NOSIP: variants seen among roughly 807,000 people sequenced by gnomAD.
NOSIP encodes the protein nitric oxide synthase interacting protein.
In NOSIP, 25 loss-of-function variants were observed where a neutral mutation model predicts 36.4. The ratio of observed to expected loss-of-function variants is 0.69; its 90% CI spans 0.50 to 0.96. NOSIP has a LOEUF of 0.96. Among genes scored for constraint, NOSIP ranks in the 40% least tolerant of loss-of-function variants. The probability of loss-of-function intolerance (pLI) is 0.00; values close to 1 mark genes in which losing one functional copy is unlikely to be tolerated. For missense variants in NOSIP, 370 were observed against 429.0 expected (o/e 0.86, Z 1.21); for synonymous variants, 187 against 179.2 (o/e 1.04, Z -0.35).
Position 49,559,004 on chromosome 19 carries a change from A to G in NOSIP, c.177-26T>C, listed in dbSNP as rs745590059. The G allele has an allele frequency of 2.5e-6, 4 of 1,598,040 alleles. No individual in the cohort carries two copies. The Admixed American group carries it at 6.7e-5, about 27-fold the overall frequency. ...CTGCAAAGACAGGGTGCAATGAGAA[A>G]GAAAGAAAGTGATCCTCCCGCCTCG... On this transcript the variant is annotated intron_variant, in intron 3 of 8. Coordinates refer to ENST00000596358, the MANE Select transcript of NOSIP (RefSeq NM_001270960.2).
At chr19:49,557,288 G>A (rs919224519) in intron 4 of NOSIP, 39 bp from the exon 5 acceptor site, 2 of 1,533,708 alleles carry the variant, frequency 1.3e-6, no homozygotes, top group Non-Finnish European at 1.8e-6. Flanking sequence ...TGCCCGTGGG[G>A]CTGGGGGTAT....
intron 3 of NOSIP, 61 bp downstream of exon 3, chr19:49,559,870 GCCT>G: frequency 8.1e-7 from 1 of 1,232,848 alleles, no homozygotes; most frequent in South Asian, 1.3e-5. Flanking sequence ...CACGCACACA[GCCT>G]CCTCCTGGCG....
intron 1 of NOSIP, among the ~76,000 whole-genome samples, chr19:49,571,078 G>A (rs1465680287): frequency 6.6e-6 from 1 of 151,588 alleles, no homozygotes; most frequent in African/African-American, 2.4e-5. Context: ...CTGGGTTCAA[G>A]CAATTCTCCT....
Position 49,557,074 on chromosome 19 carries a change from G to C in NOSIP, c.418+16C>G. ...CGCCCCGCCCCCCAACCCACAAGAAGCCCAACCTGAGTCACCTGGGCTGGT... is the reference window on the plus strand; with the variant it reads ...CGCCCCGCCCCCCAACCCACAAGAACCCCAACCTGAGTCACCTGGGCTGGT... On this transcript the variant is annotated intron_variant, in intron 5 of 8. Transcript: ENST00000596358. 1 of 1,606,810 alleles carries C rather than the reference G, an allele frequency of 6.2e-7. No individual in the cohort carries two copies. The highest frequency in any genetic ancestry group is 1.1e-5 in the South Asian group (1 of 90,058).
intron 1 of NOSIP, among the ~76,000 whole-genome samples, chr19:49,576,823 G>A (rs1003838431): frequency 1.4e-5 from 2 of 146,316 alleles, no homozygotes; most frequent in Non-Finnish European, 1.5e-5. Flanking sequence ...GGCGAAGGTC[G>A]TGATGAGCCA....
At chr19:49,578,523 G>T (rs553515304) in intron 1 of NOSIP, among the ~76,000 whole-genome samples, 1 of 152,104 alleles carries the variant, frequency 6.6e-6, no homozygotes, top group Admixed American at 6.6e-5. Flanking sequence ...AAATGAGGCC[G>T]GGCTCAATGG....
chr19:49,571,129 C>A (rs537021503), intron 1 of NOSIP, among the ~76,000 whole-genome samples: 3 of 150,526 alleles, frequency 2.0e-5, no homozygotes, highest in Non-Finnish European at 4.4e-5. Flanking sequence ...GGCGCCCACG[C>A]CCAGCTAATT....
At chr19:49,561,920 TA>T (rs2080340926) in intron 1 of NOSIP, among the ~76,000 whole-genome samples, 1 of 151,780 alleles carries the variant, frequency 6.6e-6, no homozygotes, top group Admixed American at 6.6e-5. Context: ...TAAGCCAAGA[TA>T]ATGCACATTT....
At position 49,557,107 on chromosome 19, in the gene NOSIP, A is replaced by C; in HGVS notation, c.401T>G (p.Leu134Arg). 6.2e-7 allele frequency: 1 copy of C among 1,612,240 alleles called. No homozygotes were observed. Among genetic ancestry groups the C allele is most frequent in the Non-Finnish European group, 8.5e-7 (1 of 1,179,196 alleles). The change falls in exon 5 of 9, where the codon CTC (leucine) becomes CGC (arginine). Residue 134 changes from leucine to arginine, a missense_variant. Coordinates refer to ENST00000596358, the MANE Select transcript of NOSIP (RefSeq NM_001270960.2). The stretch of plus-strand genomic sequence containing the variant: ...TGAGTCACCTGGGCTGGTGCCCGAG[A>C]GGGCCTTGGCTGTGAAAGGGTTGAG... ...RPLNPFTAKA[L>R]SGTSPDDVQP...
chr19:49,566,176 C>T (rs1335926395), intron 1 of NOSIP, among the ~76,000 whole-genome samples: 2 of 152,056 alleles, frequency 1.3e-5, no homozygotes, highest in African/African-American at 4.8e-5. Flanking sequence ...CTCGCCACCA[C>T]GCCTGGCTAA....
At chr19:49,556,800 C>T (rs1480607984) in intron 6 of NOSIP, 64 bp from the exon 7 acceptor site, 1 of 1,595,534 alleles carries the variant, frequency 6.3e-7, no homozygotes, top group East Asian at 2.3e-5. Context: ...AGCGCGTGGT[C>T]CCTGTGCGTG....
chr19:49,557,817 G>A (rs2080275237), intron 4 of NOSIP: 2 of 988,028 alleles, frequency 2.0e-6, no homozygotes, highest in Non-Finnish European at 2.4e-6. Flanking sequence ...CCTGGGCGGT[G>A]CTGCAGTTCC....
chr19:49,565,382 T>C (rs1397909370), intron 1 of NOSIP, among the ~76,000 whole-genome samples: 1 of 152,010 alleles, frequency 6.6e-6, no homozygotes, highest in African/African-American at 2.4e-5. Context: ...TGGGTGCTGG[T>C]TACATGGGTG....
intron 1 of NOSIP, among the ~76,000 whole-genome samples, chr19:49,567,702 C>T (rs2080429487): frequency 6.6e-6 from 1 of 152,066 alleles, no homozygotes; most frequent in Admixed American, 6.6e-5. Flanking sequence ...CAGAATCTTG[C>T]TCTGTCGCCC....
At chr19:49,567,585 G>T (rs1183595307) in intron 1 of NOSIP, among the ~76,000 whole-genome samples, 1 of 152,190 alleles carries the variant, frequency 6.6e-6, no homozygotes, top group Admixed American at 6.5e-5. Context: ...CCTGCACCAT[G>T]CTGTGGAAAA....
Position 49,556,869 on chromosome 19 carries a change from G to A in NOSIP, c.537+6C>T. 6.2e-7 allele frequency: 1 copy of A among 1,611,034 alleles called. No homozygotes were observed. The highest frequency in any genetic ancestry group is 8.5e-7 in the Non-Finnish European group (1 of 1,177,590). On this transcript the variant is annotated splice_donor_region_variant and intron_variant, in intron 6 of 8. Coordinates refer to ENST00000596358, the MANE Select transcript of NOSIP (RefSeq NM_001270960.2). Reference sequence around the variant, plus strand: ...CCGTGCGTGCCGGGGCGCTGTGGGGGCTCACCGGCTTCTCCAGCTTGGTGG... The same window carrying A: ...CCGTGCGTGCCGGGGCGCTGTGGGGACTCACCGGCTTCTCCAGCTTGGTGG...
At position 49,557,091 on chromosome 19, in the gene NOSIP, T is replaced by C. The variant is rs1260887281; in HGVS notation, c.417A>G (p.Pro139=). ...FTAKALSGTS[P]DDVQPGPSVG... is the part of the protein sequence containing the mutation. The stretch of plus-strand genomic sequence containing the variant: ...CACAAGAAGCCCAACCTGAGTCACC[T>C]GGGCTGGTGCCCGAGAGGGCCTTGG... Residue 139 remains proline (P), a splice_region_variant and synonymous_variant, in exon 5 of 9, where the codon CCA becomes CCG. Coordinates refer to ENST00000596358, the MANE Select transcript of NOSIP (RefSeq NM_001270960.2). 1 of 1,610,832 alleles carries C rather than the reference T, an allele frequency of 6.2e-7. No homozygotes were observed. The highest frequency in any genetic ancestry group is 2.2e-5 in the East Asian group (1 of 44,774).
Position 49,555,839 on chromosome 19 carries a change from G to C in NOSIP, c.835-17C>G. On this transcript the variant is annotated splice_polypyrimidine_tract_variant and intron_variant, in intron 8 of 8. Transcript: ENST00000596358. ...GGTACCGCCCTGGGGGAGGTAGAGAGAAGGACGAGGTAGAGGCCGGCCCGG... is the reference window on the plus strand; with the variant it reads ...GGTACCGCCCTGGGGGAGGTAGAGACAAGGACGAGGTAGAGGCCGGCCCGG... 1.9e-6 allele frequency: 3 copies of C among 1,608,990 alleles called. No individual in the cohort carries two copies. The highest frequency in any genetic ancestry group is 2.6e-6 in the Non-Finnish European group (3 of 1,176,016).
intron 1 of NOSIP, among the ~76,000 whole-genome samples, chr19:49,577,157 G>A (rs774876103): frequency 2.0e-5 from 3 of 152,116 alleles, no homozygotes; most frequent in African/African-American, 7.2e-5. Flanking sequence ...ATACATTGGT[G>A]GTAGAAATGT....
Sources: gnomAD v4.1 joint callset for allele counts (sites outside exome capture counted in the v4.1 genomes callset) on GRCh38, gnomAD v4.1.1 for gene constraint, MANE v1.5 for transcripts, NCBI Gene and HGNC (gene_info 2026-07-23, HGNC 2026-07-21) for gene names.